Variants in MCTP2 observed in about 807,000 individuals in gnomAD.
The protein encoded by MCTP2 is multiple C2 and transmembrane domain containing 2.
MCTP2 carries 132 observed loss-of-function variants against 111.6 expected under a neutral mutation model. The observed-to-expected ratio is 1.18, with a 90% CI of 1.03 to 1.37. The LOEUF (loss-of-function observed/expected upper bound fraction) is 1.37, where lower values mean the gene tolerates loss of function less well. MCTP2 is among the 40% of genes most tolerant of loss of function. The probability of loss-of-function intolerance (pLI) is 0.00; values close to 1 mark genes in which losing one functional copy is unlikely to be tolerated. For synonymous variants in MCTP2, 395 were observed against 387.7 expected, an observed-to-expected ratio of 1.02 and a Z score of -0.22; for missense variants, 1,183 against 1,067.9, an observed-to-expected ratio of 1.11 and a Z score of -1.50.
intron 19 of MCTP2, among the ~76,000 whole-genome samples, chr15:94,450,072 A>T (rs558302603): frequency 2.3e-4 from 35 of 152,002 alleles, no homozygotes; most frequent in African/African-American, 8.2e-4. Flanking sequence ...TTACTTTTTC[A>T]ACCCTATTAT....
intron 20 of MCTP2, among the ~76,000 whole-genome samples, chr15:94,462,556 G>T (rs1017598962): frequency 6.6e-6 from 1 of 152,180 alleles, no homozygotes; most frequent in Non-Finnish European, 1.5e-5. Context: ...TAAGTGTTAG[G>T]GGTATTGCTA....
chr15:94,265,512 A>G (rs574631312), intron 1 of MCTP2, among the ~76,000 whole-genome samples: 12 of 152,332 alleles, frequency 7.9e-5, no homozygotes, highest in African/African-American at 2.9e-4. Context: ...ATATATACAT[A>G]GTTCAGAGTT....
At chr15:94,246,961 C>G (rs928145444) in intron 1 of MCTP2, among the ~76,000 whole-genome samples, 1 of 152,256 alleles carries the variant, frequency 6.6e-6, no homozygotes, top group South Asian at 2.1e-4. Context: ...TTGATAGTAA[C>G]TCCTTTGAGT....
intron 12 of MCTP2, among the ~76,000 whole-genome samples, chr15:94,379,443 G>A (rs1009807518): frequency 1.3e-5 from 2 of 151,918 alleles, no homozygotes; most frequent in African/African-American, 2.4e-5. Flanking sequence ...GTCCTCCCAC[G>A]TCCCCCAAGC....
intron 20 of MCTP2, among the ~76,000 whole-genome samples, chr15:94,464,548 T>G (rs2085481661): frequency 6.6e-6 from 1 of 151,552 alleles, no homozygotes; most frequent in Non-Finnish European, 1.5e-5. Flanking sequence ...TCCTGCTTGT[T>G]TGTTCATTAG....
rs56749674 is a variant in MCTP2 at position 94,303,118 on chromosome 15, T to TTATA, written c.465+4395_465+4398dup. 7.1e-3 allele frequency among the ~76,000 whole-genome samples: 351 copies of TTATA among 49,480 alleles called. 4 individuals are homozygous for TTATA. Among genetic ancestry groups the TTATA allele is most frequent in the Non-Finnish European group, 5.0e-3 (97 of 19,420 alleles). The allele number at this position is 49,480 out of a possible 152,430, so 32.5% of individuals were successfully genotyped here. ...TATATAGTTTATATATATATATAGT[T>TTATA]TATATATATAGTTTATATATATATA... On this transcript the variant is annotated intron_variant, in intron 2 of 22. Coordinates refer to ENST00000357742, the MANE Select transcript of MCTP2 (RefSeq NM_001385001.1).
intron 17 of MCTP2, among the ~76,000 whole-genome samples, chr15:94,414,555 C>A (rs1202381746): frequency 6.6e-6 from 1 of 152,146 alleles, no homozygotes; most frequent in Admixed American, 6.6e-5. Context: ...GCAGTTGGAA[C>A]AGGACGTGTT....
intron 14 of MCTP2, among the ~76,000 whole-genome samples, chr15:94,397,573 G>T (rs201652396): frequency 6.6e-6 from 1 of 152,138 alleles, no homozygotes; most frequent in Admixed American, 6.5e-5. Context: ...GTCTTTATGG[G>T]GCACCCCCTT....
intron 2 of MCTP2, among the ~76,000 whole-genome samples, chr15:94,304,519 C>A (rs2075792431): frequency 6.6e-6 from 1 of 152,190 alleles, no homozygotes; most frequent in Non-Finnish European, 1.5e-5. Flanking sequence ...TCAAATCACA[C>A]AGAAAGTCAA....
intron 12 of MCTP2, among the ~76,000 whole-genome samples, chr15:94,378,656 C>T (rs560167831): frequency 1.3e-5 from 2 of 152,202 alleles, no homozygotes; most frequent in South Asian, 4.1e-4. Flanking sequence ...CCTATTTTTC[C>T]TTTACTGTTC....
intron 8 of MCTP2, among the ~76,000 whole-genome samples, chr15:94,347,536 T>C (rs1047532861): frequency 6.6e-6 from 1 of 152,188 alleles, no homozygotes; most frequent in East Asian, 1.9e-4. Flanking sequence ...TTTTCAACTG[T>C]TTTCTTACTG....
intron 2 of MCTP2, among the ~76,000 whole-genome samples, chr15:94,312,531 G>T (rs1042721290): frequency 6.6e-6 from 1 of 152,194 alleles, no homozygotes; most frequent in Admixed American, 6.5e-5. Flanking sequence ...GCATATAGTG[G>T]CTATAGTGCC....
chr15:94,479,341 T>G lies in MCTP2; in HGVS notation c.*307T>G, dbSNP rs2074611774. ...CCATGGATCTGAACACCACCTTCCTTGAGAACAGCCAGGAGCCCACTTGGA... is the reference window on the plus strand; with the variant it reads ...CCATGGATCTGAACACCACCTTCCTGGAGAACAGCCAGGAGCCCACTTGGA... On this transcript the variant is annotated 3_prime_UTR_variant, in exon 23 of 23. Coordinates refer to ENST00000357742, the MANE Select transcript of MCTP2 (RefSeq NM_001385001.1). 3 of 378,534 alleles carry G rather than the reference T, an allele frequency of 7.9e-6. No individual in the cohort carries two copies. Among genetic ancestry groups the G allele is most frequent in the Middle Eastern group, 1.4e-3 (2 of 1,426 alleles). The allele number at this position is 378,534 out of a possible 1,614,324, so 23.4% of individuals were successfully genotyped here. A position where few individuals can be genotyped will look rare whatever the true frequency, so the allele number is the denominator to read the frequency against.
intron 1 of MCTP2, among the ~76,000 whole-genome samples, chr15:94,248,229 T>C (rs1455073945): frequency 2.0e-5 from 3 of 152,086 alleles, no homozygotes; most frequent in African/African-American, 7.2e-5. Flanking sequence ...AATAACAGCC[T>C]TGAATAAGGA....
chr15:94,244,705 C>T (rs1008545405), intron 1 of MCTP2, among the ~76,000 whole-genome samples: 8 of 148,912 alleles, frequency 5.4e-5, no homozygotes, highest in Admixed American at 2.7e-4. Context: ...TATACACATA[C>T]ATATGCACCT....
chr15:94,453,843 A>G (rs764445772), intron 19 of MCTP2, among the ~76,000 whole-genome samples: 6 of 152,226 alleles, frequency 3.9e-5, no homozygotes, highest in African/African-American at 1.4e-4. Flanking sequence ...AGAAGCCTCA[A>G]CAGCTACTTT....
chr15:94,309,391 T>C (rs1199128205), intron 2 of MCTP2, among the ~76,000 whole-genome samples: 1 of 152,220 alleles, frequency 6.6e-6, no homozygotes, highest in Non-Finnish European at 1.5e-5. Context: ...TTAAAGAGAA[T>C]ACTATTGATT....
intron 20 of MCTP2, among the ~76,000 whole-genome samples, chr15:94,465,322 G>A (rs1048509989): frequency 6.6e-6 from 1 of 152,062 alleles, no homozygotes; most frequent in Non-Finnish European, 1.5e-5. Flanking sequence ...ATCATGGATA[G>A]TACTGACCTC....
At chr15:94,443,345 G>A (rs1410919928) in intron 19 of MCTP2, among the ~76,000 whole-genome samples, 1 of 152,098 alleles carries the variant, frequency 6.6e-6, no homozygotes, top group Non-Finnish European at 1.5e-5. Context: ...CCACTTCCGC[G>A]CCTGTCATTT....
Sources: allele counts gnomAD v4.1 joint callset (sites outside exome capture counted in the v4.1 genomes callset), GRCh38; gene constraint gnomAD v4.1.1; transcripts MANE v1.5; gene names NCBI Gene and HGNC (gene_info 2026-07-23, HGNC 2026-07-21).